The following CLVS1 variants were observed in gnomAD, a reference collection of about 807,000 sequenced individuals.
The protein encoded by CLVS1 is clavesin 1, also known as clavesin-1.
Under a neutral mutation model 33.1 loss-of-function variants are expected in CLVS1, and 10 were observed. The observed-to-expected ratio is 0.30, with a 90% CI of 0.19 to 0.51. The LOEUF is 0.51. Ranked by LOEUF, CLVS1 falls within the 20% of genes least tolerant of loss-of-function variation. The probability of loss-of-function intolerance (pLI) is 0.97; values close to 1 mark genes in which losing one functional copy is unlikely to be tolerated. For missense variants in CLVS1, 343 were observed against 433.4 expected (o/e 0.79, Z 1.85); for synonymous variants, 163 against 166.1 (o/e 0.98, Z 0.14).
intron 5 of CLVS1, among the ~76,000 whole-genome samples, chr8:61,488,986 G>C (rs1803972610): frequency 6.6e-6 from 1 of 152,142 alleles, no homozygotes; most frequent in South Asian, 2.1e-4. Flanking sequence ...ATGGATTGCA[G>C]TTCTTTATAG....
chr8:61,492,689 AT>A (rs144771232), intron 5 of CLVS1, among the ~76,000 whole-genome samples: 3 of 152,144 alleles, frequency 2.0e-5, no homozygotes, highest in Non-Finnish European at 4.4e-5. Flanking sequence ...TAGAATATTT[AT>A]TTTTTTGGAC....
At chr8:61,430,653 C>T (rs1279028227) in intron 3 of CLVS1, among the ~76,000 whole-genome samples, 1 of 152,164 alleles carries the variant, frequency 6.6e-6, no homozygotes, top group African/African-American at 2.4e-5. Flanking sequence ...TACAAGCTGT[C>T]TTTATGTGCT....
intron 2 of CLVS1, among the ~76,000 whole-genome samples, chr8:61,139,938 T>C (rs1282190111): frequency 6.6e-6 from 1 of 152,150 alleles, no homozygotes; most frequent in East Asian, 1.9e-4. Flanking sequence ...TGTCTCCATT[T>C]CCTGCCTCCA....
chr8:61,290,558 T>A (rs975428037), intron 1 of CLVS1, among the ~76,000 whole-genome samples: 5 of 152,186 alleles, frequency 3.3e-5, no homozygotes, highest in African/African-American at 1.2e-4. Flanking sequence ...TCTTGAACTT[T>A]TCAGAATTGG....
At chr8:61,220,591 G>T (rs534043977) in intron 2 of CLVS1, among the ~76,000 whole-genome samples, 1 of 151,630 alleles carries the variant, frequency 6.6e-6, no homozygotes, top group African/African-American at 2.4e-5. Flanking sequence ...GTCAGGTAGC[G>T]TGATGCCTTC....
At chr8:61,060,958 A>G (rs1419456312) in intron 1 of CLVS1, among the ~76,000 whole-genome samples, 1 of 152,128 alleles carries the variant, frequency 6.6e-6, no homozygotes, top group African/African-American at 2.4e-5. Flanking sequence ...TTTTCTTTTC[A>G]TGGGAGAAAT....
intron 2 of CLVS1, among the ~76,000 whole-genome samples, chr8:61,240,273 C>T (rs546554732): frequency 4.9e-4 from 74 of 152,288 alleles, no homozygotes; most frequent in Non-Finnish European, 9.9e-4. Flanking sequence ...CTCCGTTCTC[C>T]CCCGTGCTCT....
the CLVS1 span, among the ~76,000 whole-genome samples, chr8:61,037,697 C>A: frequency 6.6e-6 from 1 of 152,156 alleles, no homozygotes; most frequent in Non-Finnish European, 1.5e-5. Flanking sequence ...TTTATAGAGA[C>A]ACCCTTTACT....
chr8:61,255,973 A>G (rs1410094052), intron 2 of CLVS1, among the ~76,000 whole-genome samples: 1 of 152,208 alleles, frequency 6.6e-6, no homozygotes, highest in Non-Finnish European at 1.5e-5. Context: ...ATATAACATA[A>G]GATTTACCAT....
At chr8:61,331,379 T>C (rs1020282954) in intron 2 of CLVS1, among the ~76,000 whole-genome samples, 5 of 152,118 alleles carry the variant, frequency 3.3e-5, no homozygotes, top group Admixed American at 2.6e-4. Context: ...GCCCATTCAG[T>C]CTGAAAAATC....
intron 3 of CLVS1, among the ~76,000 whole-genome samples, chr8:61,402,938 T>C (rs190855948): frequency 1.3e-5 from 2 of 152,292 alleles, no homozygotes; most frequent in Admixed American, 1.3e-4. Context: ...TGAGTGTGTG[T>C]GCGTGCTTGC....
In CLVS1 at chr8:61,416,068, A is replaced by G. The variant is rs186571436; in HGVS notation, c.631-38073A>G. On this transcript the variant is annotated intron_variant, in intron 3 of 5. Transcript: ENST00000325897. ...CCAGACAACACTTGGACTAGAGCTA[A>G]GAGGAATCCTAGCCACCTGCAGATG... Among the ~76,000 whole-genome samples, 248 of 152,326 alleles carry G rather than the reference A, an allele frequency of 1.6e-3. 3 individuals carry two copies. In the Middle Eastern group the frequency reaches 0.031, roughly 19 times the overall value.
intron 2 of CLVS1, among the ~76,000 whole-genome samples, chr8:61,268,040 A>C (rs1235453882): frequency 1.3e-5 from 2 of 151,942 alleles, no homozygotes; most frequent in African/African-American, 2.4e-5. Flanking sequence ...TTATACTTTA[A>C]ATTTTAGGGT....
chr8:61,099,661 A>C (rs760672485), intron 1 of CLVS1, among the ~76,000 whole-genome samples: 3 of 152,196 alleles, frequency 2.0e-5, no homozygotes, highest in Non-Finnish European at 4.4e-5. Flanking sequence ...GGTCCAAAGA[A>C]TGAGAGAGTT....
At chr8:61,450,669 C>T (rs895726236) in intron 3 of CLVS1, among the ~76,000 whole-genome samples, 1 of 152,152 alleles carries the variant, frequency 6.6e-6, no homozygotes, top group Admixed American at 6.6e-5. Context: ...GTCCCCACTG[C>T]CCTGAAGACT....
In CLVS1 at chr8:61,072,516, C is replaced by A. The variant is rs1471007543; in HGVS notation, c.-243+15286C>A. The stretch of plus-strand genomic sequence containing the variant: ...TGGTAATTCTCTTATTCCAAGCATG[C>A]ATCCAAAACAAACCTTACTTAAAAG... On this transcript the variant is annotated intron_variant, in intron 1 of 2. Transcript: ENST00000522621. 2.6e-5 allele frequency among the ~76,000 whole-genome samples: 4 copies of A among 152,204 alleles called. No individual in the cohort carries two copies. In the East Asian group the frequency reaches 7.7e-4, roughly 29 times the overall value.
At chr8:61,187,079 A>G (rs1316885528) in intron 2 of CLVS1, among the ~76,000 whole-genome samples, 1 of 152,166 alleles carries the variant, frequency 6.6e-6, no homozygotes, top group Admixed American at 6.6e-5. Context: ...TATAAAACTG[A>G]GGGAAATTAT....
At chr8:61,441,095 G>A (rs955104384) in intron 3 of CLVS1, among the ~76,000 whole-genome samples, 2 of 152,150 alleles carry the variant, frequency 1.3e-5, no homozygotes, top group Non-Finnish European at 2.9e-5. Context: ...ATTCTTAGAA[G>A]ACTCTTTTGC....
chr8:61,159,800 CAGAA>C (rs1465267042), intron 2 of CLVS1, among the ~76,000 whole-genome samples: 1 of 152,144 alleles, frequency 6.6e-6, no homozygotes, highest in Non-Finnish European at 1.5e-5. Context: ...ATGTGTGTAA[CAGAA>C]AGAAAGTGAG....
Sources: gnomAD v4.1 joint callset for allele counts (sites outside exome capture counted in the v4.1 genomes callset) on GRCh38, gnomAD v4.1.1 for gene constraint, MANE v1.5 for transcripts, NCBI Gene and HGNC (gene_info 2026-07-23, HGNC 2026-07-21) for gene names.